UGT1A5: variants seen among roughly 807,000 people sequenced by gnomAD.
The protein encoded by UGT1A5 is UDP glucuronosyltransferase family 1 member A5, also known as UDP-glucuronosyltransferase 1A5.
In UGT1A5, 29 loss-of-function variants were observed where a neutral mutation model predicts 40.3. The observed-to-expected ratio is 0.72, with a 90% CI of 0.54 to 0.98. The LOEUF (loss-of-function observed/expected upper bound fraction) is 0.98. Among genes scored for constraint, UGT1A5 ranks in the 50% least tolerant of loss-of-function variants. The probability of loss-of-function intolerance (pLI) is 0.00; values close to 1 mark genes in which losing one functional copy is unlikely to be tolerated. For synonymous variants in UGT1A5, 257 were observed against 262.5 expected (o/e 0.98, Z 0.20); for missense variants, 678 against 677.9 (o/e 1.00, Z 0.00).
At chr2:233,718,152 T>C (rs2125658477) in intron 1 of UGT1A5, 1 of 215,796 alleles carries the variant, frequency 4.6e-6, no homozygotes, top group East Asian at 9.7e-5. Flanking sequence ...AATAAAGCCT[T>C]CCCAAGAATA....
intron 1 of UGT1A5, among the ~76,000 whole-genome samples, chr2:233,746,122 CTG>C: frequency 6.6e-6 from 1 of 151,872 alleles, no homozygotes; most frequent in Non-Finnish European, 1.5e-5. Flanking sequence ...GTCTGCAAAA[CTG>C]TGGACTGGCA....
intron 1 of UGT1A5, among the ~76,000 whole-genome samples, chr2:233,765,663 C>T (rs1698902511): frequency 6.6e-6 from 1 of 151,426 alleles, no homozygotes; most frequent in South Asian, 2.1e-4. Flanking sequence ...CAGCAAACCA[C>T]CATGGCATAT....
intron 1 of UGT1A5, among the ~76,000 whole-genome samples, chr2:233,727,353 T>A (rs2077608384): frequency 6.6e-6 from 1 of 152,150 alleles, no homozygotes; most frequent in Non-Finnish European, 1.5e-5. Flanking sequence ...AGTTCTGCTA[T>A]CCTTAGGGCC....
At chr2:233,755,311 C>T (rs1380738778) in intron 1 of UGT1A5, 2 of 555,594 alleles carry the variant, frequency 3.6e-6, no homozygotes, top group South Asian at 1.8e-5. Flanking sequence ...GCACAGCGAG[C>T]GGCAAGGCTG....
Position 233,769,524 on chromosome 2 carries a change from C to T in UGT1A5, c.1307+1085C>T. On this transcript the variant is annotated intron_variant, in intron 4 of 4. Coordinates refer to ENST00000373414, the MANE Select transcript of UGT1A5 (RefSeq NM_019078.2). The surrounding 1 kb of genome is among the most constrained non-coding windows in gnomAD (Gnocchi z 4.4). ...CCATTGCTTTCTCCCATGGTTACCT[C>T]CTTTAGAAAGAAGCAGCAGTCAGGA... 1 of 1,612,860 alleles carries T rather than the reference C, an allele frequency of 6.2e-7. No homozygotes were observed.
intron 1 of UGT1A5, among the ~76,000 whole-genome samples, chr2:233,737,541 G>A (rs576280713): frequency 6.6e-6 from 1 of 152,104 alleles, no homozygotes; most frequent in African/African-American, 2.4e-5. Flanking sequence ...GCCCTGCTTC[G>A]GCTTGCCCTC....
At chr2:233,756,672 A>T (rs1246322346) in intron 1 of UGT1A5, among the ~76,000 whole-genome samples, 1 of 152,212 alleles carries the variant, frequency 6.6e-6, no homozygotes, top group Non-Finnish European at 1.5e-5. Context: ...TATTTCCGCT[A>T]GAACTGCTAT....
In UGT1A5 at chr2:233,769,517, G is replaced by T; in HGVS notation, c.1307+1078G>T. 6.2e-7 allele frequency: 1 copy of T among 1,612,844 alleles called. No homozygotes were observed. The highest frequency in any genetic ancestry group is 8.5e-7 in the Non-Finnish European group (1 of 1,179,874). On this transcript the variant is annotated intron_variant, in intron 4 of 4. Transcript: ENST00000373414. The surrounding 1 kb of genome is among the most constrained non-coding windows in gnomAD (Gnocchi z 4.4). ...AGAGTGTCCATTGCTTTCTCCCATGGTTACCTCCTTTAGAAAGAAGCAGCA... is the reference window on the plus strand; with the variant it reads ...AGAGTGTCCATTGCTTTCTCCCATGTTTACCTCCTTTAGAAAGAAGCAGCA...
intron 1 of UGT1A5, among the ~76,000 whole-genome samples, chr2:233,751,459 G>C (rs1297643220): frequency 6.6e-6 from 1 of 152,208 alleles, no homozygotes; most frequent in Non-Finnish European, 1.5e-5. Context: ...TTGTTGGGAA[G>C]GCACGATTGG....
At chr2:233,737,647 C>G (rs1413488043) in intron 1 of UGT1A5, among the ~76,000 whole-genome samples, 1 of 152,204 alleles carries the variant, frequency 6.6e-6, no homozygotes, top group Non-Finnish European at 1.5e-5. Flanking sequence ...GTCGATCATG[C>G]TGGGAGCTGC....
rs994298046 is a variant in UGT1A5 at position 233,760,365 on chromosome 2, T to C, written c.868-6669T>C. On this transcript the variant is annotated intron_variant, in intron 1 of 4. Transcript: ENST00000373414. Reference sequence around the variant, plus strand: ...GTGTGCTGGGCCCAGTGGTGTCCCATGCTGGGAAGATACTGTTGATCCCAG... The same window carrying C: ...GTGTGCTGGGCCCAGTGGTGTCCCACGCTGGGAAGATACTGTTGATCCCAG... 21 of 1,614,004 alleles carry C rather than the reference T, an allele frequency of 1.3e-5. No individual in the cohort carries two copies. Among genetic ancestry groups the C allele is most frequent in the Non-Finnish European group, 1.7e-5 (20 of 1,180,006 alleles).
intron 1 of UGT1A5, among the ~76,000 whole-genome samples, chr2:233,766,257 AGTGGCCCGGGCTCG>A (rs36213637): frequency 0.33 from 50,708 of 151,412 alleles, 8,925 homozygotes; most frequent in African/African-American, 0.42. Context: ...CAGACCGCTC[AGTGGCCCGGGCTCG>A]GTGGCCCGGG....
chr2:233,739,515 T>C (rs1354597011), intron 1 of UGT1A5, among the ~76,000 whole-genome samples: 1 of 152,234 alleles, frequency 6.6e-6, no homozygotes, highest in Non-Finnish European at 1.5e-5. Context: ...ATGTGAGACA[T>C]GAAGTCAAGG....
At chr2:233,770,756 T>C (rs1700148288) in intron 4 of UGT1A5, 1 of 152,202 alleles carries the variant, frequency 6.6e-6, no homozygotes, top group Non-Finnish European at 1.5e-5. Context: ...AGTACTAATA[T>C]TACATTATAA....
chr2:233,753,072 ACTC>A (rs1477069056), intron 1 of UGT1A5: 1 of 151,486 alleles, frequency 6.6e-6, no homozygotes, highest in Non-Finnish European at 1.5e-5. Context: ...CCACCTCAAA[ACTC>A]CTTTTATTCC....
At position 233,712,937 on chromosome 2, in the gene UGT1A5, A is replaced by C; in HGVS notation, c.-55A>C. The C allele has an allele frequency of 6.2e-6, 10 of 1,612,352 alleles. No homozygotes were observed. Among genetic ancestry groups the C allele is most frequent in the East Asian group, 4.5e-5 (2 of 44,876 alleles). On this transcript the variant is annotated 5_prime_UTR_variant, in exon 1 of 5. Coordinates refer to ENST00000373414, the MANE Select transcript of UGT1A5 (RefSeq NM_019078.2). ...CAAGGTAATTAAGACGAAGGAAACA[A>C]TTCTAGGAGGCACAACGTGGGGTGG...
chr2:233,768,582 C>CTTTTTTTTTT (rs139595073), intron 4 of UGT1A5, 143 bp downstream of exon 4: 1 of 867,188 alleles, frequency 1.2e-6, no homozygotes, highest in Non-Finnish European at 1.4e-6. Flanking sequence ...TTTATTTCTT[C>CTTTTTTTTTT]TTTTTTTTTT....
intron 1 of UGT1A5, among the ~76,000 whole-genome samples, chr2:233,739,394 A>AC (rs1399840083): frequency 1.3e-5 from 2 of 152,222 alleles, no homozygotes; most frequent in Non-Finnish European, 1.5e-5. Flanking sequence ...AGCCACAGAC[A>AC]TCAATGCCAC....
Position 233,772,413 on chromosome 2 carries a change from T to G in UGT1A5, c.1459T>G (p.Tyr487Asp), listed in dbSNP as rs34993780. 159 of 1,614,182 alleles carry G rather than the reference T, an allele frequency of 9.9e-5. No homozygotes were observed. In the East Asian group the frequency reaches 2.1e-3, roughly 21 times the overall value. Reference sequence around the variant, plus strand: ...AGCCCACGACCTCACCTGGTACCAGTACCATTCCTTGGACGTGATTGGTTT... The same window carrying G: ...AGCCCACGACCTCACCTGGTACCAGGACCATTCCTTGGACGTGATTGGTTT... ...PAAHDLTWYQ[Y>D]HSLDVIGFLL... The change falls in exon 5 of 5, where the codon TAC becomes GAC. Residue 487 changes from tyrosine to aspartate, a missense_variant. By Grantham distance (160) the Tyr-to-Asp change is radical (BLOSUM62 -3). Transcript: ENST00000373414.
Sources: allele counts gnomAD v4.1 joint callset (sites outside exome capture counted in the v4.1 genomes callset), GRCh38; gene constraint gnomAD v4.1.1; non-coding constraint Gnocchi (gnomAD v3.1); transcripts MANE v1.5; gene names NCBI Gene and HGNC (gene_info 2026-07-23, HGNC 2026-07-21).